CFAP61: variants seen among roughly 807,000 people sequenced by gnomAD.
CFAP61 encodes the protein cilia- and flagella-associated protein 61.
CFAP61 carries 107 observed loss-of-function variants against 135.6 expected under a neutral mutation model. That is an observed-to-expected ratio of 0.79 (90% CI 0.67 to 0.93). The LOEUF is 0.93. Ranked by LOEUF, CFAP61 falls within the 40% of genes least tolerant of loss-of-function variation. CFAP61 has a pLI of 0.00. For synonymous variants in CFAP61, 575 were observed against 578.5 expected (o/e 0.99, Z 0.09); for missense variants, 1,507 against 1,556.2 (o/e 0.97, Z 0.53).
At chr20:20,203,262 C>G (rs758812911) in intron 17 of CFAP61, among the ~76,000 whole-genome samples, 1 of 152,130 alleles carries the variant, frequency 6.6e-6, no homozygotes, top group African/African-American at 2.4e-5. Flanking sequence ...CCACAGTCAA[C>G]CAGTGTGAAT....
chr20:20,185,777 T>A (rs1444200804), intron 13 of CFAP61, among the ~76,000 whole-genome samples: 1 of 152,254 alleles, frequency 6.6e-6, no homozygotes, highest in African/African-American at 2.4e-5. Context: ...CTCATAACCC[T>A]GTCCATTTTT....
chr20:20,121,559 A>G (rs902258591), intron 8 of CFAP61, among the ~76,000 whole-genome samples: 8 of 152,154 alleles, frequency 5.3e-5, no homozygotes, highest in Admixed American at 2.6e-4. Flanking sequence ...CAGTGGTTCA[A>G]TCTTGGCACA....
At chr20:20,113,480 T>G (rs1157788166) in intron 8 of CFAP61, among the ~76,000 whole-genome samples, 2 of 152,200 alleles carry the variant, frequency 1.3e-5, no homozygotes, top group African/African-American at 4.8e-5. Context: ...AGGCCCACAC[T>G]GTACCACAAT....
intron 8 of CFAP61, among the ~76,000 whole-genome samples, chr20:20,123,245 C>T (rs2049811588): frequency 6.6e-6 from 1 of 151,656 alleles, no homozygotes; most frequent in Non-Finnish European, 1.5e-5. Flanking sequence ...CTAACCGTTC[C>T]TTTTGCCATG....
At chr20:20,145,019 G>A (rs757790211) in intron 9 of CFAP61, among the ~76,000 whole-genome samples, 3 of 152,148 alleles carry the variant, frequency 2.0e-5, no homozygotes, top group African/African-American at 4.8e-5. Flanking sequence ...CCCACATTAC[G>A]AGAAATGTTA....
In CFAP61 at chr20:20,075,720, A is replaced by T. The variant is rs1447815444; in HGVS notation, c.566+105A>T. 4.1e-6 allele frequency: 5 copies of T among 1,221,494 alleles called. No individual in the cohort carries two copies. The African/African-American group carries it at 6.1e-5, about 15-fold the overall frequency. The allele number at this position is 1,221,494 out of a possible 1,614,324, so 75.7% of individuals were successfully genotyped here. Reference sequence around the variant, plus strand: ...CTAAGTGACTATAGCTTAGATCAAAATTTTTTACAATACTCATAAGCATTA... The same window carrying T: ...CTAAGTGACTATAGCTTAGATCAAATTTTTTTACAATACTCATAAGCATTA... On this transcript the variant is annotated intron_variant, in intron 6 of 26. Transcript: ENST00000245957.
At chr20:20,253,604 C>T in intron 20 of CFAP61, 2 of 490,290 alleles carry the variant, frequency 4.1e-6, no homozygotes, top group South Asian at 1.5e-5. Flanking sequence ...TCTTTTTGGG[C>T]CACTGACCCT....
At chr20:20,256,108 A>G (rs890185560) in intron 20 of CFAP61, among the ~76,000 whole-genome samples, 22 of 152,218 alleles carry the variant, frequency 1.4e-4, no homozygotes, top group Non-Finnish European at 3.1e-4. Context: ...GAGTGAAACA[A>G]TCTCAGATCC....
chr20:20,342,548 A>G (rs904895218), intron 26 of CFAP61, among the ~76,000 whole-genome samples: 1 of 152,206 alleles, frequency 6.6e-6, no homozygotes, highest in East Asian at 1.9e-4. Context: ...AGCTGTGTTC[A>G]GTGAGTGGTT....
chr20:20,225,253 G>A (rs368457071), intron 17 of CFAP61: 98 of 152,178 alleles, frequency 6.4e-4, no homozygotes, highest in African/African-American at 2.2e-3. Flanking sequence ...TTTAAAAACC[G>A]TCTGTACTAA....
At chr20:20,221,295 A>G (rs1223361849) in intron 17 of CFAP61, 2 of 152,236 alleles carry the variant, frequency 1.3e-5, no homozygotes, top group Non-Finnish European at 2.9e-5. Flanking sequence ...TCAGTGTCTC[A>G]GAGAAGCCAA....
chr20:20,169,466 T>TTTGGCC lies in CFAP61; in HGVS notation c.1385+6_1385+7insTTGGCC. 6 of 1,600,318 alleles carry TTTGGCC rather than the reference T, an allele frequency of 3.7e-6. No homozygotes were observed. Among genetic ancestry groups the TTTGGCC allele is most frequent in the Non-Finnish European group, 5.1e-6 (6 of 1,171,700 alleles). Reference sequence around the variant, plus strand: ...CACCGGGCTGGATTGCTCAAGTGAGTAGACACATGTTTGGCCACACAACAA... The same window carrying TTTGGCC: ...CACCGGGCTGGATTGCTCAAGTGAGTTTGGCCAGACACATGTTTGGCCACACAACAA... On this transcript the variant is annotated splice_region_variant and intron_variant, in intron 13 of 26. Coordinates refer to ENST00000245957, the MANE Select transcript of CFAP61 (RefSeq NM_015585.4).
intron 18 of CFAP61, among the ~76,000 whole-genome samples, chr20:20,238,650 A>C (rs1379036107): frequency 6.6e-6 from 1 of 152,236 alleles, no homozygotes; most frequent in Non-Finnish European, 1.5e-5. Context: ...CCAGAAGGGT[A>C]AGCACCATGA....
At chr20:20,290,903 A>G (rs1044564250) in intron 24 of CFAP61, among the ~76,000 whole-genome samples, 2 of 152,232 alleles carry the variant, frequency 1.3e-5, no homozygotes, top group African/African-American at 4.8e-5. Flanking sequence ...GCCTTGAGCC[A>G]GAACTCCCTA....
Position 20,134,539 on chromosome 20 carries a change from C to T in CFAP61, c.860-8318C>T, listed in dbSNP as rs181345426. Among the ~76,000 whole-genome samples, 168 of 152,272 alleles carry T rather than the reference C, an allele frequency of 1.1e-3. 1 individual carries two copies. The highest frequency in any genetic ancestry group is 3.9e-3 in the African/African-American group (160 of 41,528). Reference sequence around the variant, plus strand: ...TTAGAATGCATTACATGCTCAGTTTCTAGTTCACAGGAAGACTTTACAAAG... The same window carrying T: ...TTAGAATGCATTACATGCTCAGTTTTTAGTTCACAGGAAGACTTTACAAAG... On this transcript the variant is annotated intron_variant, in intron 8 of 26. Transcript: ENST00000245957.
chr20:20,099,584 G>GC (rs956558512), intron 8 of CFAP61, among the ~76,000 whole-genome samples: 13 of 151,964 alleles, frequency 8.6e-5, no homozygotes, highest in African/African-American at 3.1e-4. Context: ...CACACGGGGG[G>GC]GGGGTTGTGA....
At chr20:20,212,472 A>T (rs1226250521) in intron 17 of CFAP61, among the ~76,000 whole-genome samples, 2 of 152,076 alleles carry the variant, frequency 1.3e-5, no homozygotes, top group Non-Finnish European at 2.9e-5. Flanking sequence ...CTGATTCTGG[A>T]GTTCTGTGAC....
chr20:20,248,204 C>T (rs574224908), intron 19 of CFAP61, among the ~76,000 whole-genome samples: 1 of 152,324 alleles, frequency 6.6e-6, no homozygotes, highest in South Asian at 2.1e-4. Context: ...CTAAATAACA[C>T]AGCCAGACCC....
intron 2 of CFAP61, among the ~76,000 whole-genome samples, chr20:20,067,767 ATGTATTTAT>A (rs869207379): frequency 3.9e-4 from 22 of 56,346 alleles, no homozygotes; most frequent in Middle Eastern, 0.013. Flanking sequence ...ATTATTATAT[ATGTATTTAT>A]TATATATATA....
Sources: gnomAD v4.1 joint callset for allele counts (sites outside exome capture counted in the v4.1 genomes callset) on GRCh38, gnomAD v4.1.1 for gene constraint, MANE v1.5 for transcripts, NCBI Gene and HGNC (gene_info 2026-07-23, HGNC 2026-07-21) for gene names.